PTPRT: variants seen among roughly 807,000 people sequenced by gnomAD.
The protein encoded by PTPRT is receptor-type tyrosine-protein phosphatase T.
PTPRT carries 56 observed loss-of-function variants against 176.8 expected under a neutral mutation model. That is an observed-to-expected ratio of 0.32 (90% CI 0.26 to 0.40). PTPRT has a LOEUF of 0.40. Among genes scored for constraint, PTPRT ranks in the 10% least tolerant of loss-of-function variants. The pLI, the probability that PTPRT is intolerant of heterozygous loss-of-function variation, is 1.00. For missense variants in PTPRT, 1,540 were observed against 1,908.2 expected, an observed-to-expected ratio of 0.81 and a Z score of 3.60; for synonymous variants, 783 against 739.0, an observed-to-expected ratio of 1.06 and a Z score of -0.96.
chr20:42,866,981 A>G (rs1346368483), intron 2 of PTPRT, among the ~76,000 whole-genome samples: 1 of 152,244 alleles, frequency 6.6e-6, no homozygotes, highest in African/African-American at 2.4e-5. Flanking sequence ...CAGATGCTCC[A>G]AAATGCTACC....
intron 9 of PTPRT, among the ~76,000 whole-genome samples, chr20:42,386,872 A>C (rs1466084820): frequency 6.6e-6 from 1 of 150,634 alleles, no homozygotes; most frequent in Non-Finnish European, 1.5e-5. Context: ...ACAAACAAAC[A>C]AAAAAAAAGA....
At chr20:43,010,915 G>C (rs893536261) in intron 1 of PTPRT, among the ~76,000 whole-genome samples, 7 of 152,154 alleles carry the variant, frequency 4.6e-5, no homozygotes, top group Middle Eastern at 3.2e-3. Context: ...CTGAGAGAGA[G>C]GCAACAGGTG....
At chr20:43,172,209 C>A (rs1305300980) in intron 1 of PTPRT, among the ~76,000 whole-genome samples, 1 of 152,144 alleles carries the variant, frequency 6.6e-6, no homozygotes. Context: ...TGTTAAGATC[C>A]GGAGAGATAC....
intron 1 of PTPRT, among the ~76,000 whole-genome samples, chr20:43,015,726 C>G (rs1226754253): frequency 1.3e-5 from 2 of 152,034 alleles, no homozygotes; most frequent in Non-Finnish European, 1.5e-5. Flanking sequence ...ACAAATGACT[C>G]TGGGCAAATC....
chr20:42,322,946 G>A (rs6130104), intron 11 of PTPRT, among the ~76,000 whole-genome samples: 15,765 of 151,666 alleles, frequency 0.1, 1,314 homozygotes, highest in African/African-American at 0.23. Flanking sequence ...AAAAGTGGGC[G>A]AAGGACATGA....
chr20:42,110,210 C>CTAAGT (rs1555870238), intron 23 of PTPRT, 123 bp downstream of exon 23: 1 of 892,374 alleles, frequency 1.1e-6, no homozygotes, highest in Non-Finnish European at 1.6e-6. Context: ...CCATGACCAG[C>CTAAGT]TAAGTTTTTG....
At chr20:42,127,691 T>C (rs776193345) in intron 19 of PTPRT, among the ~76,000 whole-genome samples, 1 of 152,184 alleles carries the variant, frequency 6.6e-6, no homozygotes, top group Non-Finnish European at 1.5e-5. Flanking sequence ...CTGAGATGCA[T>C]GGCTTGAATC....
At chr20:42,569,678 C>G (rs2073120759) in intron 7 of PTPRT, among the ~76,000 whole-genome samples, 1 of 152,132 alleles carries the variant, frequency 6.6e-6, no homozygotes, top group South Asian at 2.1e-4. Flanking sequence ...ATTCAGAGCT[C>G]TCTGCACCAG....
chr20:42,165,137 C>A (rs1989772429), intron 16 of PTPRT, among the ~76,000 whole-genome samples: 1 of 152,106 alleles, frequency 6.6e-6, no homozygotes, highest in Admixed American at 6.5e-5. Flanking sequence ...CTCTCTCCTC[C>A]TCTTCCTTGG....
At chr20:42,530,628 TC>T (rs2072365365) in intron 7 of PTPRT, among the ~76,000 whole-genome samples, 1 of 152,216 alleles carries the variant, frequency 6.6e-6, no homozygotes, top group Admixed American at 6.5e-5. Context: ...CTTGTTCTCT[TC>T]TTTATGTTTT....
rs542832028 is a variant in PTPRT at position 42,458,396 on chromosome 20, A to T, written c.1451-10067T>A. On this transcript the variant is annotated intron_variant, in intron 8 of 30. Transcript: ENST00000373187. ...TTCCCACCACTGTATTACCTTGGCC[A>T]AGCTGCTTAATGTCTCTGTGTCTCA... Among the ~76,000 whole-genome samples the T allele has an allele frequency of 2.6e-5, 4 of 152,310 alleles. No homozygotes were observed. In the South Asian group the frequency reaches 6.2e-4, roughly 24 times the overall value.
intron 5 of PTPRT, among the ~76,000 whole-genome samples, chr20:42,767,340 T>A (rs934876325): frequency 6.6e-6 from 1 of 152,070 alleles, no homozygotes; most frequent in African/African-American, 2.4e-5. Flanking sequence ...TTTGGAAGAA[T>A]AGAACAGAAA....
chr20:42,948,949 C>A (rs972620163), intron 1 of PTPRT, among the ~76,000 whole-genome samples: 8 of 152,126 alleles, frequency 5.3e-5, no homozygotes, highest in African/African-American at 1.7e-4. Flanking sequence ...TTCCATGAAC[C>A]CAAATCTGGC....
At chr20:42,962,228 A>G (rs1982025508) in intron 1 of PTPRT, among the ~76,000 whole-genome samples, 1 of 152,242 alleles carries the variant, frequency 6.6e-6, no homozygotes, top group Admixed American at 6.5e-5. Flanking sequence ...TAGGGTTGAT[A>G]TCTTCCTATC....
intron 1 of PTPRT, among the ~76,000 whole-genome samples, chr20:43,163,656 A>AC (rs1568821241): frequency 1.3e-5 from 2 of 151,892 alleles, no homozygotes; most frequent in South Asian, 2.1e-4. Context: ...AACAAAACAA[A>AC]AAAAAAAACA....
chr20:43,077,460 G>A (rs1368729075), intron 1 of PTPRT, among the ~76,000 whole-genome samples: 1 of 152,086 alleles, frequency 6.6e-6, no homozygotes, highest in East Asian at 1.9e-4. Flanking sequence ...TAGCGGTGTG[G>A]ATCAAAATTT....
At chr20:42,196,312 G>A (rs1277563160) in intron 16 of PTPRT, among the ~76,000 whole-genome samples, 2 of 152,166 alleles carry the variant, frequency 1.3e-5, no homozygotes, top group African/African-American at 4.8e-5. Context: ...GAGACTCAGT[G>A]AGCTCCTGAT....
chr20:42,472,308 G>A lies in PTPRT; in HGVS notation c.1408C>T (p.Arg470Ter). The A allele has an allele frequency of 6.2e-7, 1 of 1,614,124 alleles. No individual in the cohort carries two copies. The highest frequency in any genetic ancestry group is 8.5e-7 in the Non-Finnish European group (1 of 1,180,026). ...LRLLLSNPEG[R>*]MESEELVVQT... Reference sequence around the variant, plus strand: ...ACCACCAGCTCCTCGCTCTCCATTCGGCCCTCGGGGTTAGACAGCAAGAGT... The same window carrying A: ...ACCACCAGCTCCTCGCTCTCCATTCAGCCCTCGGGGTTAGACAGCAAGAGT... Residue 470 changes from arginine to a stop codon, truncating the protein, a stop_gained, in exon 8 of 31, where the codon CGA (arginine) becomes TGA (stop). Coordinates refer to ENST00000373187, the MANE Select transcript of PTPRT (RefSeq NM_007050.6). LOFTEE classifies it high-confidence loss of function.
At chr20:42,051,576 G>A in the PTPRT span, among the ~76,000 whole-genome samples, 2 of 152,174 alleles carry the variant, frequency 1.3e-5, no homozygotes, top group African/African-American at 4.8e-5. Context: ...ATGAACGACA[G>A]GCTGAGACCA....
Sources: gnomAD v4.1 joint callset for allele counts (sites outside exome capture counted in the v4.1 genomes callset) on GRCh38, gnomAD v4.1.1 for gene constraint, MANE v1.5 for transcripts, NCBI Gene and HGNC (gene_info 2026-07-23, HGNC 2026-07-21) for gene names.